Variants in XNDC1N observed in about 807,000 individuals in gnomAD.
XNDC1N encodes the protein XRCC1 N-terminal domain containing 1, N-terminal like, also known as protein XNDC1N.
chr11:71,899,966 T>C, the XNDC1N span, among the ~76,000 whole-genome samples: 10 of 152,350 alleles, frequency 6.6e-5, no homozygotes, highest in South Asian at 1.9e-3. Flanking sequence ...CGCCCTATGG[T>C]GGGAGGCGAG....
At chr11:71,888,537 C>G in the XNDC1N span, among the ~76,000 whole-genome samples, 4 of 152,278 alleles carry the variant, frequency 2.6e-5, no homozygotes, top group East Asian at 1.9e-4. Flanking sequence ...TTATATGCAT[C>G]AGAGAGAGAA....
the XNDC1N span, among the ~76,000 whole-genome samples, chr11:71,869,000 G>T: frequency 2.0e-5 from 3 of 151,574 alleles, no homozygotes; most frequent in African/African-American, 7.3e-5. Context: ...CTTTATTTTT[G>T]TCTAACTGAA....
chr11:71,890,230 A>T, the XNDC1N span, among the ~76,000 whole-genome samples: 2 of 152,324 alleles, frequency 1.3e-5, no homozygotes, highest in Admixed American at 1.3e-4. Context: ...CACAGGGTTG[A>T]TGTACACCCA....
At chr11:71,919,028 T>C in the XNDC1N span, 4 of 702,576 alleles carry the variant, frequency 5.7e-6, no homozygotes, top group East Asian at 5.4e-5. Context: ...CTTGGGATCC[T>C]AAGTAAGAGA....
chr11:71,884,707 G>C, the XNDC1N span: 16 of 1,129,710 alleles, frequency 1.4e-5, no homozygotes, highest in Non-Finnish European at 2.0e-5. Context: ...TTTTATAAAT[G>C]CTTACACTCT....
chr11:71,925,245 C>G, the XNDC1N span, among the ~76,000 whole-genome samples: 4,889 of 151,984 alleles, frequency 0.032, 73 homozygotes, highest in East Asian at 0.079. Flanking sequence ...AAGCTCTCGG[C>G]GGACAGGTTT....
At chr11:71,871,537 C>CA in the XNDC1N span, among the ~76,000 whole-genome samples, 16 of 151,894 alleles carry the variant, frequency 1.1e-4, no homozygotes, top group Non-Finnish European at 8.8e-5. Flanking sequence ...ATTCTCAAGA[C>CA]AAAAAAATAA....
chr11:71,887,204 G>A, the XNDC1N span, among the ~76,000 whole-genome samples: 2 of 149,008 alleles, frequency 1.3e-5, no homozygotes, highest in East Asian at 2.0e-4. Context: ...CCGGTCGCCC[G>A]GTTATCCAAA....
At chr11:71,918,706 G>A in the XNDC1N span, among the ~76,000 whole-genome samples, 1 of 152,212 alleles carries the variant, frequency 6.6e-6, no homozygotes, top group South Asian at 2.1e-4. Flanking sequence ...AGAGCCCTTG[G>A]AGTTCTCCAC....
the XNDC1N span, among the ~76,000 whole-genome samples, chr11:71,877,530 T>C: frequency 0.21 from 31,901 of 152,102 alleles, 6,297 homozygotes; most frequent in African/African-American, 0.52. Context: ...CCCAGCTACT[T>C]GGGAGACTGA....
the XNDC1N span, chr11:71,878,631 C>T: frequency 1.0e-6 from 1 of 1,004,946 alleles, no homozygotes; most frequent in Non-Finnish European, 1.4e-6. Context: ...ATGAAGGCTG[C>T]TCAGAAGATT....
At chr11:71,900,241 A>G in the XNDC1N span, among the ~76,000 whole-genome samples, 3 of 152,160 alleles carry the variant, frequency 2.0e-5, no homozygotes, top group Non-Finnish European at 2.9e-5. Flanking sequence ...GCCGGTGCAG[A>G]TCCTTGGTAT....
chr11:71,918,620 A>G, the XNDC1N span, among the ~76,000 whole-genome samples: 4 of 152,168 alleles, frequency 2.6e-5, no homozygotes, highest in Non-Finnish European at 5.9e-5. Flanking sequence ...GGTTTTACCC[A>G]GGCCACTAAG....
At chr11:71,927,133 A>T in the XNDC1N span, among the ~76,000 whole-genome samples, 1 of 152,034 alleles carries the variant, frequency 6.6e-6, no homozygotes, top group Non-Finnish European at 1.5e-5. Flanking sequence ...CTATAGTCCC[A>T]GGTACTCACA....
At chr11:71,870,576 A>G in the XNDC1N span, among the ~76,000 whole-genome samples, 1 of 152,248 alleles carries the variant, frequency 6.6e-6, no homozygotes, top group Non-Finnish European at 1.5e-5. Context: ...TGCACACCAA[A>G]GAAAACAATT....
At chr11:71,915,975 G>A in the XNDC1N span, 54 of 617,646 alleles carry the variant, frequency 8.7e-5, no homozygotes, top group Middle Eastern at 6.6e-4. Context: ...GTGTGTGTAC[G>A]TGTGTGTGTG....
the XNDC1N span, among the ~76,000 whole-genome samples, chr11:71,927,025 G>A: frequency 6.6e-6 from 1 of 152,128 alleles, no homozygotes; most frequent in Non-Finnish European, 1.5e-5. Flanking sequence ...GGAGGCTCAG[G>A]AGGATTGCTT....
the XNDC1N span, among the ~76,000 whole-genome samples, chr11:71,913,010 C>G: frequency 6.6e-6 from 1 of 152,076 alleles, no homozygotes. Context: ...GGAAGGGTAT[C>G]AGAGGGGTTG....
the XNDC1N span, among the ~76,000 whole-genome samples, chr11:71,896,666 C>T: frequency 1.3e-5 from 2 of 152,210 alleles, no homozygotes; most frequent in Non-Finnish European, 2.9e-5. Flanking sequence ...TGGGTTCAAG[C>T]GATTCTCCTG....
Sources: gnomAD v4.1 joint callset for allele counts (sites outside exome capture counted in the v4.1 genomes callset) on GRCh38, gnomAD v4.1.1 for gene constraint, MANE v1.5 for transcripts, NCBI Gene and HGNC (gene_info 2026-07-23, HGNC 2026-07-21) for gene names.